Variants in ORC5 observed in about 807,000 individuals in gnomAD.
The protein encoded by ORC5 is origin recognition complex subunit 5, also known as protein phosphatase 1, regulatory subunit 117.
In ORC5, 39 loss-of-function variants were observed where a neutral mutation model predicts 58.8. That is an observed-to-expected ratio of 0.66 (90% CI 0.51 to 0.87). The LOEUF (loss-of-function observed/expected upper bound fraction) is 0.87. ORC5 is among the 40% of genes least tolerant of loss of function. The pLI is 0.00. For missense variants in ORC5, 493 were observed against 506.3 expected, an observed-to-expected ratio of 0.97 and a Z score of 0.25; for synonymous variants, 218 against 177.6, an observed-to-expected ratio of 1.23 and a Z score of -1.81.
chr7:104,158,543 T>C (rs985357941), intron 12 of ORC5, among the ~76,000 whole-genome samples: 1 of 151,706 alleles, frequency 6.6e-6, no homozygotes, highest in African/African-American at 2.4e-5. Context: ...ACAGGCAACC[T>C]ACAAAATGGG....
rs1272120900 is a variant in ORC5 at position 104,136,876 on chromosome 7, G to T, written c.1167C>A (p.Thr389=). 1 of 1,612,344 alleles carries T rather than the reference G, an allele frequency of 6.2e-7. No homozygotes were observed. Among genetic ancestry groups the T allele is most frequent in the Non-Finnish European group, 8.5e-7 (1 of 1,178,498 alleles). Residue 389 remains threonine (T), a synonymous_variant, in exon 13 of 14, where the codon ACC becomes ACA. Transcript: ENST00000297431. The surrounding 1 kb of genome is among the most constrained non-coding windows in gnomAD (Gnocchi z 4.2). ...NIFSQITSLV[T]LQLLTLVGHD... ...GGCCAACCAGGGTTAACAGCTGAAGGGTCACTAGAGAGGTAATCTAAAAGA... is the reference window on the plus strand; with the variant it reads ...GGCCAACCAGGGTTAACAGCTGAAGTGTCACTAGAGAGGTAATCTAAAAGA...
intron 4 of ORC5, 70 bp from the exon 5 acceptor site, chr7:104,195,324 A>G: frequency 1.2e-6 from 1 of 836,242 alleles, no homozygotes; most frequent in Non-Finnish European, 1.8e-6. Flanking sequence ...TTCCATTTGG[A>G]TTTTTCTTTC....
At chr7:104,200,702 T>G in intron 3 of ORC5, 56 bp downstream of exon 3, 1 of 1,079,700 alleles carries the variant, frequency 9.3e-7, no homozygotes, top group Non-Finnish European at 1.4e-6. Flanking sequence ...AAAATTGATC[T>G]AATAAATTAT....
In ORC5 at chr7:104,136,548, G is replaced by A. The variant is rs1798590145; in HGVS notation, c.1262+233C>T. On this transcript the variant is annotated intron_variant, in intron 13 of 13. Coordinates refer to ENST00000297431, the MANE Select transcript of ORC5 (RefSeq NM_002553.4). This position sits in a 1 kb window ranked among gnomAD's most constrained non-coding sequence, Gnocchi z 4.2. ...TGCCACTATGGGATCATTTATTCCA[G>A]CCTATTAAGGTTTTTCAGAATCTTG... Among the ~76,000 whole-genome samples the A allele has an allele frequency of 6.6e-6, 1 of 152,114 alleles. No homozygotes were observed. Among genetic ancestry groups the A allele is most frequent in the East Asian group, 1.9e-4 (1 of 5,194 alleles).
At chr7:104,173,931 G>A (rs1266076176) in intron 8 of ORC5, among the ~76,000 whole-genome samples, 10 of 139,178 alleles carry the variant, frequency 7.2e-5, no homozygotes, top group South Asian at 2.3e-4. Context: ...TGCAAGCTCC[G>A]CCTCCCGGGT....
At chr7:104,206,499 T>C (rs2116129539) in intron 1 of ORC5, among the ~76,000 whole-genome samples, 1 of 152,296 alleles carries the variant, frequency 6.6e-6, no homozygotes, top group Non-Finnish European at 1.5e-5. Flanking sequence ...ATAGATGAAA[T>C]GCAGAGAACA....
intron 1 of ORC5, 47 bp downstream of exon 1, chr7:104,207,785 AC>A (rs1562834377): frequency 6.4e-7 from 1 of 1,555,786 alleles, no homozygotes; most frequent in Non-Finnish European, 8.9e-7. Context: ...TCGCAAGACT[AC>A]CGAAACGTCT....
At chr7:104,197,841 C>A in intron 3 of ORC5, 42 bp from the exon 4 acceptor site, 2 of 1,257,120 alleles carry the variant, frequency 1.6e-6, no homozygotes, top group South Asian at 1.4e-5. Flanking sequence ...AATGCATTTA[C>A]AAAGCCTTTA....
intron 6 of ORC5, chr7:104,187,547 T>G (rs975973808): frequency 1.2e-5 from 2 of 161,916 alleles, no homozygotes; most frequent in Admixed American, 6.5e-5. Flanking sequence ...ATTACTATTT[T>G]CTGTTAAATG....
At chr7:104,174,531 A>G (rs1799281602) in intron 8 of ORC5, among the ~76,000 whole-genome samples, 1 of 152,204 alleles carries the variant, frequency 6.6e-6, no homozygotes, top group African/African-American at 2.4e-5. Flanking sequence ...GAAGGCAGCT[A>G]GTCAGGCATG....
intron 8 of ORC5, among the ~76,000 whole-genome samples, chr7:104,172,402 G>A (rs1584502007): frequency 6.6e-6 from 1 of 152,136 alleles, no homozygotes; most frequent in Admixed American, 6.5e-5. Context: ...AAAGGAAAAG[G>A]AGTAATAGTA....
intron 6 of ORC5, chr7:104,184,500 C>T (rs1339861235): frequency 8.9e-6 from 2 of 225,384 alleles, no homozygotes; most frequent in African/African-American, 2.3e-5. Flanking sequence ...ACTATAATAA[C>T]AAAACAGCAA....
chr7:104,153,471 T>A (rs1023544174), intron 12 of ORC5, among the ~76,000 whole-genome samples: 1 of 152,160 alleles, frequency 6.6e-6, no homozygotes, highest in South Asian at 2.1e-4. Flanking sequence ...CATCTTGGAA[T>A]GCAATGTCTC....
chr7:104,135,482 G>A (rs1315000480), intron 13 of ORC5, among the ~76,000 whole-genome samples: 1 of 151,832 alleles, frequency 6.6e-6, no homozygotes, highest in Non-Finnish European at 1.5e-5. Flanking sequence ...TATAGAGACG[G>A]GGGTCTCACT....
intron 6 of ORC5, among the ~76,000 whole-genome samples, chr7:104,187,177 C>A (rs1021616733): frequency 6.6e-6 from 1 of 152,164 alleles, no homozygotes; most frequent in African/African-American, 2.4e-5. Context: ...TGACCCTCTC[C>A]TCTCTGTAAG....
Position 104,188,205 on chromosome 7 carries a change from C to A in ORC5, c.684+46G>T, listed in dbSNP as rs771725297. On this transcript the variant is annotated intron_variant, in intron 6 of 13. Transcript: ENST00000297431. ...ATACACATATATGTATACACACACA[C>A]ACACACACACACATATATATATATT... The A allele has an allele frequency of 2.3e-6, 3 of 1,327,374 alleles. No homozygotes were observed. The East Asian group carries it at 7.0e-5, about 31-fold the overall frequency. 82.2% of individuals were successfully genotyped at this position (1,327,374 alleles called of 1,614,324 possible).
intron 12 of ORC5, among the ~76,000 whole-genome samples, chr7:104,156,319 G>C (rs1798924438): frequency 6.6e-6 from 1 of 151,658 alleles, no homozygotes; most frequent in South Asian, 2.1e-4. Flanking sequence ...TGTTAAATGT[G>C]CTACTATTCT....
chr7:104,132,005 C>T (rs1490223133), intron 13 of ORC5, among the ~76,000 whole-genome samples: 1 of 152,156 alleles, frequency 6.6e-6, no homozygotes, highest in Non-Finnish European at 1.5e-5. Flanking sequence ...AAGCCTACCA[C>T]AGTGTTTTGT....
At chr7:104,163,288 G>A (rs530495806) in intron 11 of ORC5, among the ~76,000 whole-genome samples, 2 of 152,254 alleles carry the variant, frequency 1.3e-5, no homozygotes, top group East Asian at 3.9e-4. Flanking sequence ...CCAGGCCAAT[G>A]AAATATGAAT....
Sources: allele counts gnomAD v4.1 joint callset (sites outside exome capture counted in the v4.1 genomes callset), GRCh38; gene constraint gnomAD v4.1.1; non-coding constraint Gnocchi (gnomAD v3.1); transcripts MANE v1.5; gene names NCBI Gene and HGNC (gene_info 2026-07-23, HGNC 2026-07-21).